Variants in ZDHHC11B observed in about 807,000 individuals in gnomAD.
ZDHHC11B encodes zDHHC palmitoyltransferase 11B (putative).
A neutral mutation model predicts 42.3 loss-of-function variants in ZDHHC11B; 17 were observed. The observed-to-expected ratio is 0.40, with a 90% CI of 0.27 to 0.60. The LOEUF (loss-of-function observed/expected upper bound fraction) is 0.60. Ranked by LOEUF, ZDHHC11B falls within the 20% of genes least tolerant of loss-of-function variation. The pLI, the probability that ZDHHC11B is intolerant of heterozygous loss-of-function variation, is 0.41. For synonymous variants in ZDHHC11B, 123 were observed against 193.5 expected, an observed-to-expected ratio of 0.64 and a Z score of 3.02; for missense variants, 262 against 463.2, an observed-to-expected ratio of 0.57 and a Z score of 3.99.
Position 730,441 on chromosome 5 carries a change from T to C in ZDHHC11B, c.1051A>G (p.Thr351Ala). The change falls in exon 12 of 14, where the codon ACA becomes GCA. Residue 351 changes from threonine to alanine, a missense_variant. Transcript: ENST00000508859. ...TTAAACTTACGAACTTACCCAAGTG[T>C]AGATGTACTCGGGGCATCATCTGCT... Reference protein sequence around the residue: ...QEADDAPSTSTLGLQQETTEP... With the variant: ...QEADDAPSTSALGLQQETTEP... The C allele has an allele frequency of 6.3e-7, 1 of 1,577,992 alleles. No individual in the cohort carries two copies. The highest frequency in any genetic ancestry group is 2.4e-5 in the East Asian group (1 of 42,248).
rs755586747 is a variant in ZDHHC11B at position 766,780 on chromosome 5, G to GCCC, written c.137_139dup (p.Trp46_Ala47insGly). 105 of 1,612,634 alleles carry GCCC rather than the reference G, an allele frequency of 6.5e-5. 1 individual carries two copies. In the East Asian group the frequency reaches 2.3e-3, roughly 36 times the overall value. ...GGCCAAGGAAAGGCCAACGAAGACA[G>GCCC]CCCAAGTCACCACCCGGAAGTAGTG... On this transcript the variant is annotated inframe_insertion, in exon 4 of 14. Coordinates refer to ENST00000508859, the MANE Select transcript of ZDHHC11B (RefSeq NM_001351303.2).
chr5:769,287 C>T (rs1348424273), intron 1 of ZDHHC11B, among the ~76,000 whole-genome samples: 3 of 134,338 alleles, frequency 2.2e-5, no homozygotes, highest in Non-Finnish European at 3.3e-5. Context: ...ACCTGGAGCG[C>T]GTGCATCTGA....
intron 6 of ZDHHC11B, among the ~76,000 whole-genome samples, chr5:753,477 G>C (rs2127108384): frequency 1.5e-5 from 2 of 135,662 alleles, no homozygotes; most frequent in Middle Eastern, 3.7e-3. Flanking sequence ...TCCTGAGGAA[G>C]GCAGACCCTC....
At chr5:720,604 A>G (rs1455416186) in intron 12 of ZDHHC11B, among the ~76,000 whole-genome samples, 1 of 151,942 alleles carries the variant, frequency 6.6e-6, no homozygotes, top group Non-Finnish European at 1.5e-5. Flanking sequence ...ACATTGGTAA[A>G]GAAATAAAGA....
intron 12 of ZDHHC11B, among the ~76,000 whole-genome samples, chr5:725,644 GGAGCTCC>G (rs1416915330): frequency 6.8e-6 from 1 of 146,188 alleles, no homozygotes; most frequent in Non-Finnish European, 1.5e-5. Flanking sequence ...GAGGGAGACA[GGAGCTCC>G]TCATGATCCC....
chr5:772,512 T>G (rs1303345404), intron 1 of ZDHHC11B, among the ~76,000 whole-genome samples: 3 of 151,792 alleles, frequency 2.0e-5, no homozygotes, highest in South Asian at 2.1e-4. Flanking sequence ...GCAGTGGGTG[T>G]GACCTCAGAG....
At chr5:749,964 G>A (rs1441388774) in intron 7 of ZDHHC11B, among the ~76,000 whole-genome samples, 11 of 120,298 alleles carry the variant, frequency 9.1e-5, no homozygotes, top group African/African-American at 2.6e-4. Context: ...GTCACGCTTC[G>A]AAGTGGAAGG....
chr5:759,316 A>T, intron 4 of ZDHHC11B, among the ~76,000 whole-genome samples: 1 of 151,902 alleles, frequency 6.6e-6, no homozygotes, highest in East Asian at 1.9e-4. Context: ...AGGCAGGAAA[A>T]GAGAGGAGGT....
chr5:763,356 T>A, intron 4 of ZDHHC11B, among the ~76,000 whole-genome samples: 1 of 137,650 alleles, frequency 7.3e-6, no homozygotes. Context: ...GTGACAAGAG[T>A]GAGACTCCCA....
At chr5:758,457 G>A (rs1414355279) in intron 4 of ZDHHC11B, among the ~76,000 whole-genome samples, 4 of 151,862 alleles carry the variant, frequency 2.6e-5, no homozygotes, top group Admixed American at 6.6e-5. Context: ...GCTGCTGGGG[G>A]CCACCAGGAG....
chr5:739,269 G>A (rs1215782026), intron 10 of ZDHHC11B, among the ~76,000 whole-genome samples: 1 of 150,806 alleles, frequency 6.6e-6, no homozygotes, highest in South Asian at 2.1e-4. Flanking sequence ...GTGCTGGTGG[G>A]TGACTGTAAT....
chr5:777,451 A>C (rs1430352924), intron 1 of ZDHHC11B, among the ~76,000 whole-genome samples: 3 of 131,406 alleles, frequency 2.3e-5, no homozygotes, highest in African/African-American at 8.3e-5. Flanking sequence ...TGAGTGCTAC[A>C]GCTCACAAAA....
At chr5:764,475 G>A (rs1160239129) in intron 4 of ZDHHC11B, among the ~76,000 whole-genome samples, 16 of 151,922 alleles carry the variant, frequency 1.1e-4, no homozygotes, top group African/African-American at 3.1e-4. Context: ...CGGCACTGCC[G>A]GCCCCGGGCA....
intron 4 of ZDHHC11B, among the ~76,000 whole-genome samples, chr5:765,888 C>T (rs940583058): frequency 6.6e-6 from 1 of 151,930 alleles, no homozygotes; most frequent in African/African-American, 2.4e-5. Context: ...AGACCAAGAA[C>T]CCACCAGTTC....
intron 4 of ZDHHC11B, among the ~76,000 whole-genome samples, chr5:757,776 T>G (rs449696): frequency 3.3e-5 from 5 of 151,646 alleles, no homozygotes; most frequent in Non-Finnish European, 7.4e-5. Context: ...CAGGCGAGAA[T>G]GATCTGGATG....
intron 10 of ZDHHC11B, among the ~76,000 whole-genome samples, chr5:737,599 A>G (rs1279805444): frequency 6.7e-6 from 1 of 149,606 alleles, no homozygotes; most frequent in African/African-American, 2.5e-5. Flanking sequence ...AAAGATAATA[A>G]CACCATAGTC....
intron 1 of ZDHHC11B, among the ~76,000 whole-genome samples, chr5:772,588 C>T (rs1314227205): frequency 2.0e-5 from 3 of 151,134 alleles, no homozygotes; most frequent in South Asian, 2.1e-4. Flanking sequence ...GGGTGACAGC[C>T]GTCAACAGCC....
rs1299204084 is a variant in ZDHHC11B at position 712,754 on chromosome 5, A to G, written c.*8-472T>C. Among the ~76,000 whole-genome samples, 4 of 151,552 alleles carry G rather than the reference A, an allele frequency of 2.6e-5. No individual in the cohort carries two copies. In the East Asian group the frequency reaches 7.8e-4, roughly 29 times the overall value. On this transcript the variant is annotated intron_variant, in intron 13 of 13. Coordinates refer to ENST00000508859, the MANE Select transcript of ZDHHC11B (RefSeq NM_001351303.2). ...GAAACCCCGTCTCTACTAAAAATAC[A>G]AAAAATTAGCCAGGTGTGGTGGCGG...
At position 743,723 on chromosome 5, in the gene ZDHHC11B, G is replaced by C. The variant is rs6863769; in HGVS notation, c.900+1460C>G. Among the ~76,000 whole-genome samples the C allele has an allele frequency of 9.6e-3, 1,445 of 149,852 alleles. 112 individuals carry two copies. Among genetic ancestry groups the C allele is most frequent in the African/African-American group, 0.034 (1,376 of 40,726 alleles). On this transcript the variant is annotated intron_variant, in intron 9 of 13. Transcript: ENST00000508859. ...TGCTGGTGGATCGAGATGTGCGAGT[G>C]TGTATTTTAATATGTGCCCCACATC...
Sources: gnomAD v4.1 joint callset for allele counts (sites outside exome capture counted in the v4.1 genomes callset) on GRCh38, gnomAD v4.1.1 for gene constraint, MANE v1.5 for transcripts, NCBI Gene and HGNC (gene_info 2026-07-23, HGNC 2026-07-21) for gene names.